Variants in NGEF observed in about 807,000 individuals in gnomAD.
The protein encoded by NGEF is ephexin-1.
In NGEF, 31 loss-of-function variants were observed where a neutral mutation model predicts 80.9. The observed-to-expected ratio is 0.38, with a 90% CI of 0.29 to 0.52. The LOEUF is 0.52. Among genes scored for constraint, NGEF ranks in the 20% least tolerant of loss-of-function variants. The probability of loss-of-function intolerance (pLI) is 0.84; values close to 1 mark genes in which losing one functional copy is unlikely to be tolerated. For synonymous variants in NGEF, 371 were observed against 370.2 expected (o/e 1.00, Z -0.03); for missense variants, 709 against 926.2 (o/e 0.77, Z 3.04).
chr2:232,940,785 C>G (rs192174982), intron 3 of NGEF, among the ~76,000 whole-genome samples: 1 of 152,038 alleles, frequency 6.6e-6, no homozygotes, highest in Admixed American at 6.6e-5. Flanking sequence ...GAATTTTAAG[C>G]GTGTGTATAT....
rs917610833 is a variant in NGEF at position 233,001,785 on chromosome 2, C to T, written c.-75+11283G>A. Among the ~76,000 whole-genome samples the T allele has an allele frequency of 7.2e-5, 11 of 152,022 alleles. No homozygotes were observed. The South Asian group carries it at 8.3e-4, about 11-fold the overall frequency. ...TCCCAGCTACTTTGGGAGGCCGAGG[C>T]GGGTGGATCACCTGAGGTCAGGAGT... On this transcript the variant is annotated intron_variant, in intron 1 of 14. Transcript: ENST00000264051.
intron 1 of NGEF, among the ~76,000 whole-genome samples, chr2:233,005,768 T>C (rs1265754066): frequency 1.3e-5 from 2 of 152,216 alleles, no homozygotes; most frequent in Admixed American, 1.3e-4. Flanking sequence ...AGAGCCATGT[T>C]GGGCTTCTTG....
At chr2:232,984,901 T>A (rs569980008) in intron 1 of NGEF, among the ~76,000 whole-genome samples, 1 of 152,182 alleles carries the variant, frequency 6.6e-6, no homozygotes, top group African/African-American at 2.4e-5. Context: ...GATCTGCCTA[T>A]CTGCACATAG....
At chr2:232,990,882 T>G (rs140896951) in intron 1 of NGEF, among the ~76,000 whole-genome samples, 23 of 152,208 alleles carry the variant, frequency 1.5e-4, no homozygotes, top group African/African-American at 5.5e-4. Flanking sequence ...AATTATATAC[T>G]ATGACCAAGT....
intron 3 of NGEF, among the ~76,000 whole-genome samples, chr2:232,945,856 A>AGG (rs66667166): frequency 0.29 from 43,309 of 151,728 alleles, 6,362 homozygotes; most frequent in East Asian, 0.35. Flanking sequence ...GTCTCACAAC[A>AGG]TACTGATGTT....
intron 1 of NGEF, among the ~76,000 whole-genome samples, chr2:232,983,799 A>G (rs1294166779): frequency 6.6e-6 from 1 of 152,188 alleles, no homozygotes; most frequent in Non-Finnish European, 1.5e-5. Context: ...CGTAATTTCT[A>G]ATACAAACAA....
At chr2:232,891,329 G>T in intron 8 of NGEF, 29 bp downstream of exon 8, 1 of 1,611,830 alleles carries the variant, frequency 6.2e-7, no homozygotes, top group Non-Finnish European at 8.5e-7. Flanking sequence ...GGGAAGCCCC[G>T]TCTGTGGGTC....
intron 3 of NGEF, among the ~76,000 whole-genome samples, chr2:232,945,143 T>C (rs1693530070): frequency 6.6e-6 from 1 of 151,926 alleles, no homozygotes. Context: ...GAATTGAAAA[T>C]AAACCAAAAC....
rs1179425437 is a variant in NGEF, at chr2:232,997,105, C to T, written c.-75+15963G>A. Among the ~76,000 whole-genome samples, 3 of 152,038 alleles carry T rather than the reference C, an allele frequency of 2.0e-5. No individual in the cohort carries two copies. The East Asian group carries it at 5.8e-4, about 30-fold the overall frequency. On this transcript the variant is annotated intron_variant, in intron 1 of 14. Coordinates refer to ENST00000264051, the MANE Select transcript of NGEF (RefSeq NM_019850.3). The stretch of plus-strand genomic sequence containing the variant: ...TGGGTCCTTGTAGGTGGTTTGCTCT[C>T]AGTGCCGTGTGGCAGTGGTTCTCAC...
intron 5 of NGEF, among the ~76,000 whole-genome samples, chr2:232,907,188 G>GAAAAAAAAAAAAAAA (rs10654316): frequency 4.4e-5 from 5 of 113,148 alleles, no homozygotes; most frequent in African/African-American, 1.0e-4. Context: ...AGAAAAAAAA[G>GAAAAAAAAAAAAAAA]AAAAAAAAAA....
chr2:232,948,933 G>T (rs1179878407), intron 3 of NGEF, among the ~76,000 whole-genome samples: 1 of 152,054 alleles, frequency 6.6e-6, no homozygotes, highest in Non-Finnish European at 1.5e-5. Flanking sequence ...CAGGAGAATC[G>T]CTTGAATCCA....
At chr2:232,927,697 G>C (rs1575021508) in intron 3 of NGEF, among the ~76,000 whole-genome samples, 1 of 151,992 alleles carries the variant, frequency 6.6e-6, no homozygotes, top group South Asian at 2.1e-4. Flanking sequence ...GGTCCCAGGG[G>C]CCCGGGCCGG....
chr2:233,008,540 G>A (rs981952039), intron 1 of NGEF, among the ~76,000 whole-genome samples: 10 of 152,186 alleles, frequency 6.6e-5, no homozygotes, highest in African/African-American at 1.4e-4. Flanking sequence ...ACTTTGGGGC[G>A]GGACCTGGGG....
At chr2:232,994,494 C>T (rs906691412) in intron 1 of NGEF, among the ~76,000 whole-genome samples, 2 of 151,926 alleles carry the variant, frequency 1.3e-5, no homozygotes, top group African/African-American at 2.4e-5. Flanking sequence ...AAGTAAACTC[C>T]AAAGGAATTA....
At chr2:232,941,325 C>T (rs1466088280) in intron 3 of NGEF, among the ~76,000 whole-genome samples, 2 of 152,084 alleles carry the variant, frequency 1.3e-5, no homozygotes, top group South Asian at 2.1e-4. Flanking sequence ...CAACTCTAAG[C>T]CATAATTTCT....
intron 1 of NGEF, among the ~76,000 whole-genome samples, chr2:233,010,708 A>C (rs572822057): frequency 2.0e-5 from 3 of 152,300 alleles, no homozygotes; most frequent in African/African-American, 7.2e-5. Context: ...AGGGTGCTCC[A>C]GCAAATGGCC....
chr2:232,976,510 C>G (rs1228290806), intron 1 of NGEF, among the ~76,000 whole-genome samples: 1 of 152,114 alleles, frequency 6.6e-6, no homozygotes, highest in Non-Finnish European at 1.5e-5. Flanking sequence ...CTTCGTTTAC[C>G]TAAGATAGGA....
At chr2:232,904,160 G>A (rs546384371) in intron 5 of NGEF, among the ~76,000 whole-genome samples, 1 of 152,244 alleles carries the variant, frequency 6.6e-6, no homozygotes, top group African/African-American at 2.4e-5. Flanking sequence ...AGTCCTGTCT[G>A]GGCATGGGGG....
chr2:232,941,357 C>A (rs1315085734), intron 3 of NGEF, among the ~76,000 whole-genome samples: 1 of 152,132 alleles, frequency 6.6e-6, no homozygotes, highest in Non-Finnish European at 1.5e-5. Context: ...AATGTTAGTG[C>A]TGCAAAGGCA....
Sources: allele counts gnomAD v4.1 joint callset (sites outside exome capture counted in the v4.1 genomes callset), GRCh38; gene constraint gnomAD v4.1.1; transcripts MANE v1.5; gene names NCBI Gene and HGNC (gene_info 2026-07-23, HGNC 2026-07-21).